NIBAN1: variants seen among roughly 807,000 people sequenced by gnomAD.
The protein encoded by NIBAN1 is protein Niban 1.
In NIBAN1, 81 loss-of-function variants were observed where a neutral mutation model predicts 75.1. That is an observed-to-expected ratio of 1.08 (90% CI 0.90 to 1.30). The LOEUF is 1.30. NIBAN1 is among the 50% of genes most tolerant of loss of function. The probability of loss-of-function intolerance (pLI) is 0.00; values close to 1 mark genes in which losing one functional copy is unlikely to be tolerated. For missense variants in NIBAN1, 1,133 were observed against 1,128.1 expected, an observed-to-expected ratio of 1.00 and a Z score of -0.06; for synonymous variants, 436 against 424.8, an observed-to-expected ratio of 1.03 and a Z score of -0.32.
At chr1:184,827,964 T>TG (rs1654890784) in intron 6 of NIBAN1, among the ~76,000 whole-genome samples, 1 of 150,888 alleles carries the variant, frequency 6.6e-6, no homozygotes, top group African/African-American at 2.4e-5. Context: ...TTTTTTGTTT[T>TG]TTTTTTTTTT....
intron 1 of NIBAN1, among the ~76,000 whole-genome samples, chr1:184,945,797 A>C (rs1393452996): frequency 2.0e-5 from 3 of 152,234 alleles, no homozygotes; most frequent in African/African-American, 4.8e-5. Context: ...GACTTCAAGA[A>C]GGCAGATTTC....
At chr1:184,898,957 C>T (rs1046939171) in intron 2 of NIBAN1, among the ~76,000 whole-genome samples, 1 of 152,172 alleles carries the variant, frequency 6.6e-6, no homozygotes, top group African/African-American at 2.4e-5. Context: ...AAATACATAA[C>T]AATATTGGAT....
chr1:184,899,180 T>G lies in NIBAN1; in HGVS notation c.185A>C (p.Lys62Thr), dbSNP rs759605713. The G allele has an allele frequency of 3.7e-6, 6 of 1,613,766 alleles. No individual in the cohort carries two copies. The East Asian group carries it at 1.1e-4, about 30-fold the overall frequency. ...RDLTSQFLKT[K>T]PPLAPGTILY... ...GTAAACCAAATATCCATGGCTTACC[T>G]TGGTCTTCAAAAACTGTGACGTTAA... is the stretch of plus-strand genomic sequence containing the variant. Residue 62 changes from lysine (K) to threonine (T), a missense_variant and splice_region_variant, in exon 2 of 14, where the codon AAG (lysine) becomes ACG (threonine). Transcript: ENST00000367511.
intron 6 of NIBAN1, 23 bp downstream of exon 6, chr1:184,831,824 C>T: frequency 1.3e-6 from 2 of 1,578,386 alleles, no homozygotes; most frequent in Non-Finnish European, 1.7e-6. Context: ...AGAGAGAATC[C>T]AAAATTTTGA....
intron 1 of NIBAN1, among the ~76,000 whole-genome samples, chr1:184,907,070 A>AAATGTACTG (rs1451897206): frequency 2.0e-5 from 3 of 152,232 alleles, no homozygotes; most frequent in Non-Finnish European, 4.4e-5. Context: ...AAAAGCACAA[A>AAATGTACTG]AATGTACTGA....
At chr1:184,905,055 C>T (rs927613283) in intron 1 of NIBAN1, among the ~76,000 whole-genome samples, 25 of 151,926 alleles carry the variant, frequency 1.6e-4, no homozygotes, top group Non-Finnish European at 2.8e-4. Flanking sequence ...AAAGTGAAAA[C>T]CAGAGTGGGA....
chr1:184,826,508 T>A (rs550207838), intron 6 of NIBAN1, among the ~76,000 whole-genome samples: 26 of 152,256 alleles, frequency 1.7e-4, no homozygotes, highest in African/African-American at 5.3e-4. Flanking sequence ...TTGGAACACA[T>A]CTGCCGAAAG....
At chr1:184,834,363 G>C (rs554563836) in intron 5 of NIBAN1, among the ~76,000 whole-genome samples, 2 of 152,160 alleles carry the variant, frequency 1.3e-5, no homozygotes, top group African/African-American at 4.8e-5. Flanking sequence ...TAATCCTTTG[G>C]GTATATACCC....
chr1:184,870,900 C>T (rs1216075143), intron 5 of NIBAN1, among the ~76,000 whole-genome samples: 1 of 152,110 alleles, frequency 6.6e-6, no homozygotes, highest in Non-Finnish European at 1.5e-5. Flanking sequence ...TTGTATACCC[C>T]CCAAATTCAT....
intron 5 of NIBAN1, among the ~76,000 whole-genome samples, chr1:184,856,528 A>G (rs552512889): frequency 3.3e-5 from 5 of 152,338 alleles, no homozygotes; most frequent in South Asian, 4.1e-4. Flanking sequence ...TTAAGCTGGA[A>G]AAAAGGTGAT....
chr1:184,878,201 C>A (rs1656282545), intron 5 of NIBAN1, among the ~76,000 whole-genome samples: 1 of 152,168 alleles, frequency 6.6e-6, no homozygotes, highest in Non-Finnish European at 1.5e-5. Flanking sequence ...GGGAGAAACA[C>A]TGAATGGCTA....
In NIBAN1 at chr1:184,792,897, A is replaced by G. The variant is rs1653735424; in HGVS notation, c.*2080T>C. ...TTTAAGAGAGGAGCCACTTGGAGAGACAAGAAGTAAACCTAATTTCAACAC... is the reference window on the plus strand; with the variant it reads ...TTTAAGAGAGGAGCCACTTGGAGAGGCAAGAAGTAAACCTAATTTCAACAC... On this transcript the variant is annotated 3_prime_UTR_variant, in exon 14 of 14. Coordinates refer to ENST00000367511, the MANE Select transcript of NIBAN1 (RefSeq NM_052966.4). 6.6e-6 allele frequency: 1 copy of G among 152,258 alleles called. No individual in the cohort carries two copies. Among genetic ancestry groups the G allele is most frequent in the South Asian group, 2.1e-4 (1 of 4,832 alleles). The allele number at this position is 152,258 out of a possible 1,614,324, so 9.4% of individuals were successfully genotyped here. A position where few individuals can be genotyped will look rare whatever the true frequency, so the allele number is the denominator to read the frequency against.
intron 1 of NIBAN1, among the ~76,000 whole-genome samples, chr1:184,911,869 C>A (rs1356032050): frequency 6.6e-6 from 1 of 152,070 alleles, no homozygotes; most frequent in Non-Finnish European, 1.5e-5. Flanking sequence ...AATATATATA[C>A]CTACTACCCA....
intron 2 of NIBAN1, among the ~76,000 whole-genome samples, 192 bp from the exon 3 acceptor site, chr1:184,894,398 T>A (rs750883855): frequency 6.6e-6 from 1 of 152,210 alleles, no homozygotes; most frequent in African/African-American, 2.4e-5. Context: ...TAAATATTTG[T>A]CTTATTGGTA....
In NIBAN1 at chr1:184,824,212, T is replaced by G. The variant is rs117250112; in HGVS notation, c.718-470A>C. On this transcript the variant is annotated intron_variant, in intron 6 of 13. Transcript: ENST00000367511. ...TGATCAAGGTATCAAAGTATCTCCA[T>G]GCTCTTCGTCCCCACTGTCCCCCAA... 9.8e-5 allele frequency among the ~76,000 whole-genome samples: 15 copies of G among 152,286 alleles called. No homozygotes were observed. In the East Asian group the frequency reaches 2.9e-3, roughly 29 times the overall value.
intron 1 of NIBAN1, among the ~76,000 whole-genome samples, chr1:184,935,526 C>T (rs778166189): frequency 4.0e-5 from 6 of 151,868 alleles, no homozygotes; most frequent in Non-Finnish European, 8.8e-5. Context: ...TAAGATCCAG[C>T]AAATAAAAGA....
intron 5 of NIBAN1, among the ~76,000 whole-genome samples, chr1:184,836,902 G>T (rs1655159521): frequency 6.6e-6 from 1 of 152,174 alleles, no homozygotes. Context: ...GAACAAATCT[G>T]CTACATTGTA....
chr1:184,833,471 G>A (rs1655051486), intron 5 of NIBAN1, among the ~76,000 whole-genome samples: 1 of 152,040 alleles, frequency 6.6e-6, no homozygotes, highest in South Asian at 2.1e-4. Context: ...ACTTTGGGAG[G>A]CCAAGGATGG....
intron 5 of NIBAN1, among the ~76,000 whole-genome samples, chr1:184,839,194 T>G (rs1224573466): frequency 6.6e-6 from 1 of 152,198 alleles, no homozygotes; most frequent in Non-Finnish European, 1.5e-5. Context: ...AATGGAGTTT[T>G]GGGAAGGCTA....
Sources: gnomAD v4.1 joint callset for allele counts (sites outside exome capture counted in the v4.1 genomes callset) on GRCh38, gnomAD v4.1.1 for gene constraint, MANE v1.5 for transcripts, NCBI Gene and HGNC (gene_info 2026-07-23, HGNC 2026-07-21) for gene names.